Variants in CTNNA2 observed in about 807,000 individuals in gnomAD.
The protein encoded by CTNNA2 is catenin alpha-2.
In CTNNA2, 42 loss-of-function variants were observed where a neutral mutation model predicts 101.0. That is an observed-to-expected ratio of 0.42 (90% confidence interval 0.32 to 0.54). The LOEUF is 0.54. Ranked by LOEUF, CTNNA2 falls within the 20% of genes least tolerant of loss-of-function variation. The pLI is 0.14. For synonymous variants in CTNNA2, 450 were observed against 456.4 expected (o/e 0.99, Z 0.18); for missense variants, 871 against 1,223.1 (o/e 0.71, Z 4.29).
chr2:79,936,326 T>G (rs1167775709), intron 7 of CTNNA2, among the ~76,000 whole-genome samples: 1 of 152,104 alleles, frequency 6.6e-6, no homozygotes, highest in African/African-American at 2.4e-5. Context: ...GGTACAAAGT[T>G]TATCTACAGT....
chr2:79,971,471 A>G (rs490805), intron 7 of CTNNA2, among the ~76,000 whole-genome samples: 137,893 of 152,140 alleles, frequency 0.91, 62,657 homozygotes, highest in Non-Finnish European at 0.93. Flanking sequence ...CTTATGTGGT[A>G]CCTACTTATC....
At chr2:80,279,454 T>C (rs1286225794) in intron 7 of CTNNA2, among the ~76,000 whole-genome samples, 4 of 152,220 alleles carry the variant, frequency 2.6e-5, no homozygotes, top group African/African-American at 9.6e-5. Context: ...GTTTTTCTTT[T>C]ACATCTGTTT....
intron 7 of CTNNA2, among the ~76,000 whole-genome samples, chr2:80,127,592 G>C (rs1417979379): frequency 6.6e-6 from 1 of 152,148 alleles, no homozygotes; most frequent in African/African-American, 2.4e-5. Flanking sequence ...TTAAATATTT[G>C]ACTCCATACC....
At chr2:80,546,465 T>C (rs1241328710) in intron 11 of CTNNA2, among the ~76,000 whole-genome samples, 2 of 152,174 alleles carry the variant, frequency 1.3e-5, no homozygotes, top group Admixed American at 1.3e-4. Flanking sequence ...AAGTTTTGTT[T>C]TGTTTTGTTT....
At chr2:79,545,213 A>G (rs1673658078) in intron 1 of CTNNA2, among the ~76,000 whole-genome samples, 1 of 152,130 alleles carries the variant, frequency 6.6e-6, no homozygotes, top group African/African-American at 2.4e-5. Context: ...TTATTCAGAA[A>G]GTTATATCCA....
intron 7 of CTNNA2, among the ~76,000 whole-genome samples, chr2:80,160,655 C>T (rs1423122845): frequency 2.6e-5 from 4 of 152,074 alleles, no homozygotes; most frequent in African/African-American, 9.7e-5. Context: ...TGCTGAACTC[C>T]CTTATGAGTT....
At chr2:79,451,558 G>A (rs1670748183) in intron 4 of CTNNA2, among the ~76,000 whole-genome samples, 1 of 151,786 alleles carries the variant, frequency 6.6e-6, no homozygotes, top group South Asian at 2.1e-4. Flanking sequence ...TGAAGAGACT[G>A]GAGTTAAAAA....
At chr2:79,305,253 T>A (rs1332370315) in intron 2 of CTNNA2, among the ~76,000 whole-genome samples, 1 of 150,728 alleles carries the variant, frequency 6.6e-6, no homozygotes, top group African/African-American at 2.4e-5. Flanking sequence ...CACAAACACA[T>A]CTCCGTGAGT....
At position 79,993,409 on chromosome 2, in the gene CTNNA2, CTTTG is replaced by C. The variant is rs917448892; in HGVS notation, c.1056+83617_1056+83620del. Among the ~76,000 whole-genome samples the C allele has an allele frequency of 1.6e-3, 241 of 152,280 alleles. 2 individuals are homozygous for C. Among genetic ancestry groups the C allele is most frequent in the African/African-American group, 5.5e-3 (227 of 41,560 alleles). On this transcript the variant is annotated intron_variant, in intron 7 of 18. Coordinates refer to ENST00000402739, the MANE Select transcript of CTNNA2 (RefSeq NM_001282597.3). ...CCACAGCTCTTGGCACATCTTCAGA[CTTTG>C]TTTGGTCTAAAACCAAGAATGGAAA...
At chr2:80,079,765 G>A (rs971778602) in intron 7 of CTNNA2, among the ~76,000 whole-genome samples, 4 of 150,618 alleles carry the variant, frequency 2.7e-5, no homozygotes, top group South Asian at 2.1e-4. Context: ...AGTGAGCCGG[G>A]ATTGCGCCAC....
chr2:80,269,673 T>C (rs778584584), intron 7 of CTNNA2, among the ~76,000 whole-genome samples: 1 of 152,196 alleles, frequency 6.6e-6, no homozygotes, highest in Non-Finnish European at 1.5e-5. Flanking sequence ...CATGTTTACA[T>C]ATAAGAACTA....
chr2:80,397,073 C>T (rs1033850444), intron 8 of CTNNA2, among the ~76,000 whole-genome samples: 2 of 152,036 alleles, frequency 1.3e-5, no homozygotes, highest in African/African-American at 2.4e-5. Context: ...ATTGTGTTTC[C>T]AAGTAGTACT....
At chr2:79,922,871 TTG>T (rs1178713767) in intron 7 of CTNNA2, among the ~76,000 whole-genome samples, 1 of 152,152 alleles carries the variant, frequency 6.6e-6, no homozygotes, top group Non-Finnish European at 1.5e-5. Context: ...TTTCATTACT[TTG>T]TGTTATATAT....
At chr2:79,622,349 G>A (rs1679046879) in intron 1 of CTNNA2, among the ~76,000 whole-genome samples, 1 of 151,994 alleles carries the variant, frequency 6.6e-6, no homozygotes, top group Admixed American at 6.6e-5. Flanking sequence ...ATCCTTTTAA[G>A]CTGGATGCGT....
chr2:80,107,274 C>T (rs992243563), intron 7 of CTNNA2, among the ~76,000 whole-genome samples: 6 of 152,148 alleles, frequency 3.9e-5, no homozygotes, highest in Non-Finnish European at 8.8e-5. Context: ...TATGGCTCAC[C>T]CTGCTCCCCA....
intron 17 of CTNNA2, among the ~76,000 whole-genome samples, chr2:80,617,672 C>T (rs1698967484): frequency 6.6e-6 from 1 of 151,622 alleles, no homozygotes; most frequent in Non-Finnish European, 1.5e-5. Context: ...AATCCATAAT[C>T]AGTTTGAATT....
At chr2:79,420,899 G>A (rs1678533963) in intron 4 of CTNNA2, among the ~76,000 whole-genome samples, 1 of 152,070 alleles carries the variant, frequency 6.6e-6, no homozygotes, top group Admixed American at 6.6e-5. Context: ...GTGAAAATCT[G>A]GGGGCAGAAG....
chr2:79,230,531 T>C (rs1674476216), intron 2 of CTNNA2, among the ~76,000 whole-genome samples: 1 of 152,136 alleles, frequency 6.6e-6, no homozygotes, highest in South Asian at 2.1e-4. Flanking sequence ...GCTGCAGGGG[T>C]AGAGCCCTCA....
At chr2:79,292,572 A>G (rs1272863759) in intron 2 of CTNNA2, among the ~76,000 whole-genome samples, 1 of 152,212 alleles carries the variant, frequency 6.6e-6, no homozygotes, top group Non-Finnish European at 1.5e-5. Context: ...GTTTGTCTTT[A>G]GAAGCAGGGG....
Sources: allele counts gnomAD v4.1 joint callset (sites outside exome capture counted in the v4.1 genomes callset), GRCh38; gene constraint gnomAD v4.1.1; transcripts MANE v1.5; gene names NCBI Gene and HGNC (gene_info 2026-07-23, HGNC 2026-07-21).